EFHD1: variants seen among roughly 807,000 people sequenced by gnomAD.
EFHD1 encodes the protein EF-hand domain family member D1.
Under a neutral mutation model 17.2 loss-of-function variants are expected in EFHD1, and 10 were observed. The observed-to-expected ratio is 0.58, with a 90% CI of 0.36 to 0.99. The LOEUF (loss-of-function observed/expected upper bound fraction) is 0.99, where lower values mean the gene tolerates loss of function less well. EFHD1 is among the 50% of genes least tolerant of loss of function. EFHD1 has a pLI of 0.01. For missense variants in EFHD1, 310 were observed against 327.5 expected (o/e 0.95, Z 0.41); for synonymous variants, 153 against 142.0 (o/e 1.08, Z -0.55).
At chr2:232,608,700 G>A in intron 1 of EFHD1, among the ~76,000 whole-genome samples, 1 of 152,018 alleles carries the variant, frequency 6.6e-6, no homozygotes, top group Non-Finnish European at 1.5e-5. Flanking sequence ...AGAGGCGGAG[G>A]CGGGCGGAAA....
intron 1 of EFHD1, among the ~76,000 whole-genome samples, chr2:232,637,343 CTTTTTTTTT>C (rs575182576): frequency 7.8e-6 from 1 of 127,684 alleles, no homozygotes; most frequent in Admixed American, 8.8e-5. Flanking sequence ...CATGGCCTTC[CTTTTTTTTT>C]TTTTTTTTTG....
chr2:232,654,774 T>C (rs1574722475), intron 1 of EFHD1, among the ~76,000 whole-genome samples: 2 of 152,162 alleles, frequency 1.3e-5, no homozygotes, highest in South Asian at 4.1e-4. Context: ...GGAGAGCCTC[T>C]TGTCCCTCAC....
At chr2:232,656,897 G>T (rs1335532791) in intron 1 of EFHD1, among the ~76,000 whole-genome samples, 1 of 152,142 alleles carries the variant, frequency 6.6e-6, no homozygotes, top group Non-Finnish European at 1.5e-5. Flanking sequence ...TCCCCCTTCA[G>T]CCTCCCGAGT....
At position 232,608,933 on chromosome 2, in the gene EFHD1, A is replaced by G. The variant is rs147070018; in HGVS notation, c.14+2760A>G. On this transcript the variant is annotated intron_variant, in intron 1 of 3. Coordinates refer to the EFHD1 transcript ENST00000409613. Reference sequence around the variant, plus strand: ...AACAGAGCAAGACTCCATCTCAAAAAATAAAATAAAATACAATGAAAAAGC... The same window carrying G: ...AACAGAGCAAGACTCCATCTCAAAAGATAAAATAAAATACAATGAAAAAGC... Among the ~76,000 whole-genome samples the G allele has an allele frequency of 2.8e-3, 428 of 152,236 alleles. 1 individual carries two copies. Among genetic ancestry groups the G allele is most frequent in the African/African-American group, 0.01 (417 of 41,532 alleles).
intron 1 of EFHD1, among the ~76,000 whole-genome samples, chr2:232,660,847 A>G (rs1295060029): frequency 1.3e-5 from 2 of 152,004 alleles, no homozygotes; most frequent in Non-Finnish European, 2.9e-5. Context: ...GTGTGGTGGC[A>G]CACACTTGTA....
intron 1 of EFHD1, among the ~76,000 whole-genome samples, chr2:232,645,310 G>C (rs557403773): frequency 6.6e-6 from 1 of 152,016 alleles, no homozygotes; most frequent in Non-Finnish European, 1.5e-5. Context: ...CCCCTGCCTC[G>C]TGCCCACGGC....
chr2:232,636,423 A>G (rs931138498), intron 1 of EFHD1, among the ~76,000 whole-genome samples: 2 of 152,214 alleles, frequency 1.3e-5, no homozygotes, highest in African/African-American at 2.4e-5. Flanking sequence ...TGGGGATTAA[A>G]TTAATTCATG....
chr2:232,678,763 AAG>A (rs1308254177), intron 3 of EFHD1, among the ~76,000 whole-genome samples: 1 of 152,210 alleles, frequency 6.6e-6, no homozygotes, highest in African/African-American at 2.4e-5. Context: ...AGCCTGGGCA[AAG>A]AGAGCCAAAC....
chr2:232,620,038 A>G (rs181399443), intron 1 of EFHD1, among the ~76,000 whole-genome samples: 3 of 152,288 alleles, frequency 2.0e-5, no homozygotes, highest in East Asian at 3.9e-4. Flanking sequence ...AGCTTTATCA[A>G]TAATCTAAGC....
intron 1 of EFHD1, among the ~76,000 whole-genome samples, chr2:232,619,139 G>A (rs1693977627): frequency 6.7e-6 from 1 of 150,020 alleles, no homozygotes; most frequent in Non-Finnish European, 1.5e-5. Context: ...GGCAACAAGA[G>A]CAAAACTCCA....
intron 1 of EFHD1, among the ~76,000 whole-genome samples, chr2:232,661,147 C>CAA (rs747919733): frequency 1.7e-3 from 209 of 119,854 alleles, no homozygotes; most frequent in African/African-American, 5.4e-3. Context: ...GACTCTGTCT[C>CAA]AAAAAAAAAA....
chr2:232,639,040 G>A (rs535118624), intron 1 of EFHD1, among the ~76,000 whole-genome samples: 8 of 152,250 alleles, frequency 5.3e-5, no homozygotes, highest in East Asian at 1.9e-4. Flanking sequence ...TTGCCAGCAC[G>A]CATGATTAAC....
intron 1 of EFHD1, among the ~76,000 whole-genome samples, chr2:232,639,510 T>C (rs1694384785): frequency 6.6e-6 from 1 of 152,170 alleles, no homozygotes; most frequent in Admixed American, 6.5e-5. Context: ...CTCTCTTTTC[T>C]TAAATGTTGT....
At chr2:232,659,486 C>T (rs1351684280) in intron 1 of EFHD1, among the ~76,000 whole-genome samples, 3 of 152,082 alleles carry the variant, frequency 2.0e-5, no homozygotes, top group African/African-American at 4.8e-5. Context: ...AGGAATGGCA[C>T]AAGTTGGCCA....
At chr2:232,652,481 C>T (rs1227874649) in intron 1 of EFHD1, among the ~76,000 whole-genome samples, 5 of 152,094 alleles carry the variant, frequency 3.3e-5, no homozygotes, top group Admixed American at 1.3e-4. Flanking sequence ...CCCAGGAATT[C>T]ACTTACTTCA....
chr2:232,616,188 C>T (rs1574700181), intron 1 of EFHD1, among the ~76,000 whole-genome samples: 1 of 152,164 alleles, frequency 6.6e-6, no homozygotes, highest in East Asian at 1.9e-4. Context: ...CAGTATTACT[C>T]AGCCTTCGAC....
chr2:232,660,892 C>T (rs567798956), intron 1 of EFHD1, among the ~76,000 whole-genome samples: 4 of 152,140 alleles, frequency 2.6e-5, no homozygotes, highest in Admixed American at 1.3e-4. Context: ...GCAGGAGAAT[C>T]GCTTAAACCC....
intron 3 of EFHD1, among the ~76,000 whole-genome samples, chr2:232,679,212 A>G (rs1479414974): frequency 2.0e-5 from 3 of 152,220 alleles, no homozygotes; most frequent in East Asian, 3.8e-4. Flanking sequence ...TAAACATGAC[A>G]TAAAATGCAA....
chr2:232,645,378 G>A (rs960001770), intron 1 of EFHD1, among the ~76,000 whole-genome samples: 2 of 152,108 alleles, frequency 1.3e-5, no homozygotes, highest in Non-Finnish European at 2.9e-5. Flanking sequence ...CCACAGGGCC[G>A]TAGCTGATCC....
Sources: gnomAD v4.1 joint callset for allele counts (sites outside exome capture counted in the v4.1 genomes callset) on GRCh38, gnomAD v4.1.1 for gene constraint, MANE v1.5 for transcripts, NCBI Gene and HGNC (gene_info 2026-07-23, HGNC 2026-07-21) for gene names.